Variants in USP22 observed in about 807,000 individuals in gnomAD.
USP22 encodes ubiquitin specific peptidase 22.
In USP22, 22 loss-of-function variants were observed where a neutral mutation model predicts 68.1. The ratio of observed to expected loss-of-function variants is 0.32; its 90% CI spans 0.23 to 0.46. The LOEUF (loss-of-function observed/expected upper bound fraction) is 0.46. Among genes scored for constraint, USP22 ranks in the 20% least tolerant of loss-of-function variants. The probability of loss-of-function intolerance (pLI) is 1.00; values close to 1 mark genes in which losing one functional copy is unlikely to be tolerated. For missense variants in USP22, 433 were observed against 695.8 expected, an observed-to-expected ratio of 0.62 and a Z score of 4.25; for synonymous variants, 279 against 274.2, an observed-to-expected ratio of 1.02 and a Z score of -0.17.
rs1913590020 is a variant in USP22, at chr17:21,001,820, TAC to T, written c.*1209_*1210del. 6.6e-6 allele frequency: 1 copy of T among 152,256 alleles called. No homozygotes were observed. Among genetic ancestry groups the T allele is most frequent in the African/African-American group, 2.4e-5 (1 of 41,472 alleles). 9.4% of individuals were successfully genotyped at this position (152,256 alleles called of 1,614,324 possible). On this transcript the variant is annotated 3_prime_UTR_variant, in exon 13 of 13. Transcript: ENST00000261497. Reference sequence around the variant, plus strand: ...CAAACCATCTCTGTTTGAATTTGAATACACAGATACATGCAAGATATCTTACA... The same window carrying T: ...CAAACCATCTCTGTTTGAATTTGAATACAGATACATGCAAGATATCTTACA...
chr17:21,009,811 C>T (rs779924924), intron 8 of USP22, among the ~76,000 whole-genome samples: 2 of 151,936 alleles, frequency 1.3e-5, no homozygotes, highest in African/African-American at 2.4e-5. Flanking sequence ...AAAAGTTAGC[C>T]GGATATGGTA....
In USP22 at chr17:21,042,873, G is replaced by A. The variant is rs1035874195; in HGVS notation, c.-38C>T. The stretch of plus-strand genomic sequence containing the variant: ...CCGGCCGCGCGCGGGGGGCGGCGGC[G>A]AGGGAGGCGAGGACGACGCCAGCGC... On this transcript the variant is annotated 5_prime_UTR_variant, in exon 1 of 13. Coordinates refer to ENST00000261497, the MANE Select transcript of USP22 (RefSeq NM_015276.2). 10 of 1,220,432 alleles carry A rather than the reference G, an allele frequency of 8.2e-6. No homozygotes were observed. In the Admixed American group the frequency reaches 4.3e-4, roughly 53 times the overall value. The allele number at this position is 1,220,432 out of a possible 1,614,324, so 75.6% of individuals were successfully genotyped here.
At chr17:21,031,132 G>A (rs979084024) in intron 1 of USP22, among the ~76,000 whole-genome samples, 19 of 152,144 alleles carry the variant, frequency 1.2e-4, no homozygotes, top group African/African-American at 4.1e-4. Flanking sequence ...CAAATAAATG[G>A]ATAGAAGACA....
chr17:21,024,162 T>C (rs1972192125), intron 2 of USP22, among the ~76,000 whole-genome samples: 1 of 152,166 alleles, frequency 6.6e-6, no homozygotes, highest in Non-Finnish European at 1.5e-5. Flanking sequence ...TGCCACTTCC[T>C]GTTCATCAGC....
intron 1 of USP22, 136 bp downstream of exon 1, chr17:21,042,529 G>C (rs1448917232): frequency 1.2e-6 from 1 of 836,964 alleles, no homozygotes; most frequent in Non-Finnish European, 1.6e-6. Context: ...AGAGAGGGCA[G>C]AAGGAGAGAG....
intron 2 of USP22, among the ~76,000 whole-genome samples, chr17:21,022,070 A>G (rs2127095): frequency 0.2 from 30,612 of 152,176 alleles, 3,844 homozygotes; most frequent in South Asian, 0.29. Flanking sequence ...ACTGCACTCC[A>G]GCCTGGGCAA....
intron 12 of USP22, among the ~76,000 whole-genome samples, chr17:21,003,532 C>T (rs1913665622): frequency 6.6e-6 from 1 of 152,202 alleles, no homozygotes; most frequent in Non-Finnish European, 1.5e-5. Flanking sequence ...CAGCTGGGGT[C>T]CCCCTGACCC....
chr17:21,018,760 C>G lies in USP22; in HGVS notation c.520+324G>C, dbSNP rs371209125. ...CAATTTGTAGAAAATTCAGCGAACA[C>G]TTACACTCACACACATCATTTCTCT... On this transcript the variant is annotated intron_variant, in intron 4 of 12. Transcript: ENST00000261497. 3.9e-5 allele frequency among the ~76,000 whole-genome samples: 6 copies of G among 152,268 alleles called. No individual in the cohort carries two copies. In the East Asian group the frequency reaches 9.7e-4, roughly 24 times the overall value.
intron 8 of USP22, among the ~76,000 whole-genome samples, chr17:21,009,972 T>TTA (rs3047631): frequency 2.6e-4 from 37 of 142,504 alleles, no homozygotes; most frequent in African/African-American, 3.1e-4. Context: ...AAAAAAAAAT[T>TTA]AAAAAAAAAA....
Position 21,017,030 on chromosome 17 carries a change from G to C in USP22, c.690+912C>G, listed in dbSNP as rs185003248. Among the ~76,000 whole-genome samples the C allele has an allele frequency of 4.7e-3, 723 of 152,292 alleles. 19 individuals are homozygous for C. Among genetic ancestry groups the C allele is most frequent in the Admixed American group, 0.04 (618 of 15,298 alleles). On this transcript the variant is annotated intron_variant, in intron 5 of 12. Transcript: ENST00000261497. ...CCCTCCTTTCTCCTATTTGGGCCGT[G>C]TCCCCAGCAGTTATGGCACATTGCA...
intron 1 of USP22, among the ~76,000 whole-genome samples, chr17:21,029,128 A>T (rs998614787): frequency 1.1e-4 from 16 of 152,332 alleles, no homozygotes; most frequent in African/African-American, 3.6e-4. Context: ...AAAGCAATGT[A>T]CAGAAGAAAG....
rs917664468 is a variant in USP22 at position 21,042,895 on chromosome 17, G to C, written c.-60C>G. 2 of 1,139,240 alleles carry C rather than the reference G, an allele frequency of 1.8e-6. No individual in the cohort carries two copies. Among genetic ancestry groups the C allele is most frequent in the African/African-American group, 3.2e-5 (2 of 61,864 alleles). 70.6% of individuals were successfully genotyped at this position (1,139,240 alleles called of 1,614,324 possible). A position where few individuals can be genotyped will look rare whatever the true frequency, so the allele number is the denominator to read the frequency against. ...GGCGAGGGAGGCGAGGACGACGCCA[G>C]CGCGGCGTGGGGGCTGCTCGGCGGC... On this transcript the variant is annotated 5_prime_UTR_variant, in exon 1 of 13. Transcript: ENST00000261497.
At chr17:21,030,150 T>C (rs1259912913) in intron 1 of USP22, among the ~76,000 whole-genome samples, 1 of 152,222 alleles carries the variant, frequency 6.6e-6, no homozygotes, top group African/African-American at 2.4e-5. Context: ...AAATAACCTA[T>C]GCACATCCTC....
In USP22 at chr17:21,002,949, G is replaced by C; in HGVS notation, c.*82C>G. The stretch of plus-strand genomic sequence containing the variant: ...GGCCGGGGAGGCGGCGGGAGACTTG[G>C]GGGAGGGGGGGGCCAGGGAGGATCA... On this transcript the variant is annotated 3_prime_UTR_variant, in exon 13 of 13. Coordinates refer to ENST00000261497, the MANE Select transcript of USP22 (RefSeq NM_015276.2). 2 of 1,553,568 alleles carry C rather than the reference G, an allele frequency of 1.3e-6. No individual in the cohort carries two copies. Among genetic ancestry groups the C allele is most frequent in the African/African-American group, 1.4e-5 (1 of 69,266 alleles).
chr17:21,042,527 CAGA>C (rs1972452126), intron 1 of USP22, 135 bp downstream of exon 1: 6 of 796,554 alleles, frequency 7.5e-6, no homozygotes, highest in East Asian at 6.8e-5. Context: ...GAAGAGAGGG[CAGA>C]AGGAGAGAGG....
intron 6 of USP22, 170 bp downstream of exon 6, chr17:21,015,582 T>G: frequency 1.1e-6 from 1 of 942,774 alleles, no homozygotes; most frequent in South Asian, 2.0e-5. Flanking sequence ...CTCTCTGAGG[T>G]CATTAGTTAT....
chr17:21,000,957 C>G lies in USP22; in HGVS notation c.*2074G>C, dbSNP rs760056979. 6.8e-6 allele frequency: 1 copy of G among 147,246 alleles called. No homozygotes were observed. The highest frequency in any genetic ancestry group is 1.5e-5 in the Non-Finnish European group (1 of 67,500). The allele number at this position is 147,246 out of a possible 1,614,324, so 9.1% of individuals were successfully genotyped here. On this transcript the variant is annotated 3_prime_UTR_variant, in exon 13 of 13. Coordinates refer to ENST00000261497, the MANE Select transcript of USP22 (RefSeq NM_015276.2). The stretch of plus-strand genomic sequence containing the variant: ...CCCAGCTACTTGGGAGGCTGCGGCA[C>G]GAGAACTGCTTGAACCCAGGAGGTG...
chr17:21,015,216 T>C (rs1345639857), intron 6 of USP22, among the ~76,000 whole-genome samples: 3 of 152,216 alleles, frequency 2.0e-5, no homozygotes, highest in African/African-American at 7.2e-5. Flanking sequence ...GGTACCACCC[T>C]GGGGCCAGGC....
Position 21,017,934 on chromosome 17 carries a change from G to C in USP22, c.690+8C>G. On this transcript the variant is annotated splice_region_variant and intron_variant, in intron 5 of 12. Coordinates refer to ENST00000261497, the MANE Select transcript of USP22 (RefSeq NM_015276.2). The stretch of plus-strand genomic sequence containing the variant: ...AAATGTTCCCCTGCAGAAGTCAATG[G>C]CGCTCACCTCCTGAAACAGTGAGGA... 1 of 1,613,710 alleles carries C rather than the reference G, an allele frequency of 6.2e-7. No homozygotes were observed. Among genetic ancestry groups the C allele is most frequent in the Non-Finnish European group, 8.5e-7 (1 of 1,179,926 alleles).
Sources: gnomAD v4.1 joint callset for allele counts (sites outside exome capture counted in the v4.1 genomes callset) on GRCh38, gnomAD v4.1.1 for gene constraint, MANE v1.5 for transcripts, NCBI Gene and HGNC (gene_info 2026-07-23, HGNC 2026-07-21) for gene names.